The following BLMH variants were observed in gnomAD, a reference collection of about 807,000 sequenced individuals.
BLMH encodes bleomycin hydrolase, also known as BLM hydrolase.
Under a neutral mutation model 61.6 loss-of-function variants are expected in BLMH, and 32 were observed. That is an observed-to-expected ratio of 0.52 (90% CI 0.39 to 0.70). The LOEUF (loss-of-function observed/expected upper bound fraction) is 0.70, where lower values mean the gene tolerates loss of function less well. Among genes scored for constraint, BLMH ranks in the 30% least tolerant of loss-of-function variants. The pLI is 0.00. For synonymous variants in BLMH, 183 were observed against 193.8 expected (o/e 0.94, Z 0.46); for missense variants, 460 against 555.5 (o/e 0.83, Z 1.73).
intron 2 of BLMH, 120 bp downstream of exon 2, chr17:30,291,191 T>C (rs1040442657): frequency 1.6e-6 from 2 of 1,282,028 alleles, no homozygotes; most frequent in African/African-American, 2.9e-5. Flanking sequence ...TGTGCCTCAT[T>C]CTTTACGAAT....
In BLMH at chr17:30,272,902, A is replaced by G. The variant is rs1908314277; in HGVS notation, c.802-3T>C. ...CTAGGGTCATTCACTAAACAAATCTATCAAGATCAAGAACACATTAATTAG... is the reference window on the plus strand; with the variant it reads ...CTAGGGTCATTCACTAAACAAATCTGTCAAGATCAAGAACACATTAATTAG... On this transcript the variant is annotated splice_polypyrimidine_tract_variant and splice_region_variant and intron_variant, in intron 7 of 11. Transcript: ENST00000261714. 2 of 1,613,524 alleles carry G rather than the reference A, an allele frequency of 1.2e-6. No homozygotes were observed. The highest frequency in any genetic ancestry group is 1.7e-6 in the Non-Finnish European group (2 of 1,179,810).
chr17:30,257,828 G>C (rs1907856709), intron 11 of BLMH, among the ~76,000 whole-genome samples: 1 of 152,266 alleles, frequency 6.6e-6, no homozygotes, highest in South Asian at 2.1e-4. Flanking sequence ...TTCCAGTTGA[G>C]CACTCTGTGG....
chr17:30,253,095 G>A (rs760510569), intron 11 of BLMH, among the ~76,000 whole-genome samples: 11 of 152,170 alleles, frequency 7.2e-5, no homozygotes, highest in East Asian at 1.9e-4. Context: ...GACATTAGTC[G>A]TCCCTTCCCT....
Position 30,248,881 on chromosome 17 carries a change from C to G in BLMH, c.*136G>C. 1.8e-6 allele frequency: 2 copies of G among 1,104,326 alleles called. No individual in the cohort carries two copies. Among genetic ancestry groups the G allele is most frequent in the Non-Finnish European group, 2.6e-6 (2 of 763,824 alleles). The allele number at this position is 1,104,326 out of a possible 1,614,324, so 68.4% of individuals were successfully genotyped here. On this transcript the variant is annotated 3_prime_UTR_variant, in exon 12 of 12. Coordinates refer to ENST00000261714, the MANE Select transcript of BLMH (RefSeq NM_000386.4). ...ATAAAGCACACTTTCTGAAGAGGTT[C>G]CTGGTGGAGACTGGAAATCTGACTG...
intron 11 of BLMH, among the ~76,000 whole-genome samples, chr17:30,265,968 CT>C (rs1432249043): frequency 2.0e-5 from 3 of 152,054 alleles, no homozygotes; most frequent in Non-Finnish European, 4.4e-5. Context: ...TTATTAGAGA[CT>C]TTTTATCTGT....
At chr17:30,262,099 AG>A (rs974292881) in intron 11 of BLMH, among the ~76,000 whole-genome samples, 1 of 152,236 alleles carries the variant, frequency 6.6e-6, no homozygotes, top group Non-Finnish European at 1.5e-5. Flanking sequence ...AATTTTTAAA[AG>A]GTAAGTATTT....
At chr17:30,261,672 C>G (rs1023430557) in intron 11 of BLMH, among the ~76,000 whole-genome samples, 5 of 152,172 alleles carry the variant, frequency 3.3e-5, no homozygotes, top group Admixed American at 6.5e-5. Flanking sequence ...CACAACTCAC[C>G]TGGTTCTACA....
intron 7 of BLMH, chr17:30,273,122 C>A: frequency 4.1e-6 from 2 of 482,782 alleles, no homozygotes; most frequent in Non-Finnish European, 7.2e-6. Context: ...TTAGGAGGTG[C>A]ATCTACCTGT....
At chr17:30,249,249 T>C in intron 11 of BLMH, 81 bp from the exon 12 acceptor site, 1 of 1,404,586 alleles carries the variant, frequency 7.1e-7, no homozygotes, top group Non-Finnish European at 9.7e-7. Flanking sequence ...ATAAACCTTT[T>C]ACAAAACTAA....
rs1293032143 is a variant in BLMH, at chr17:30,289,377, T to C, written c.317A>G (p.Asp106Gly). 6.3e-7 allele frequency: 1 copy of C among 1,592,594 alleles called. No homozygotes were observed. The highest frequency in any genetic ancestry group is 8.6e-7 in the Non-Finnish European group (1 of 1,162,026). ...CTTGCCAGATCTGTCCCATACCTTG[T>C]CCCAAAAAAACAGGTAAGATTGGCT... The part of the protein sequence containing the change: ...EFSQSYLFFW[D>G]KVERCYFFLS... The change falls in exon 3 of 12, where the codon GAC becomes GGC. Residue 106 changes from aspartate (D) to glycine (G), a missense_variant. By Grantham distance (94) the Asp-to-Gly change is moderately conservative. This residue lies in a region of BLMH where 43 missense variants were observed against 38.8 expected (regional missense o/e 1.11). Coordinates refer to ENST00000261714, the MANE Select transcript of BLMH (RefSeq NM_000386.4).
intron 4 of BLMH, 72 bp from the exon 5 acceptor site, chr17:30,286,974 CA>C (rs1486973614): frequency 1.1e-6 from 1 of 949,010 alleles, no homozygotes; most frequent in Non-Finnish European, 1.6e-6. Flanking sequence ...GTGATTGTTT[CA>C]AAAAATAGGC....
chr17:30,286,641 A>G (rs1455616402), intron 5 of BLMH, among the ~76,000 whole-genome samples, 173 bp downstream of exon 5: 1 of 152,210 alleles, frequency 6.6e-6, no homozygotes, highest in Non-Finnish European at 1.5e-5. Flanking sequence ...AAAACCCTCT[A>G]ATATTAATTA....
In BLMH at chr17:30,291,336, C is replaced by T; in HGVS notation, c.186G>A (p.Lys62=). Residue 62 remains lysine (K), a synonymous_variant, in exon 2 of 12, where the codon AAG becomes AAA. Coordinates refer to ENST00000261714, the MANE Select transcript of BLMH (RefSeq NM_000386.4). ...VFQHAVPQEG[K]PITNQKSSGR... is the part of the protein sequence containing the mutation. ...CTGAGCTCTTCTGGTTGGTGATTGG[C>T]TTGCCCTCCTGGGGCACGGCGTGCT... The T allele has an allele frequency of 4.3e-6, 7 of 1,613,022 alleles. No homozygotes were observed. The highest frequency in any genetic ancestry group is 5.9e-6 in the Non-Finnish European group (7 of 1,179,950).
intron 6 of BLMH, among the ~76,000 whole-genome samples, chr17:30,280,562 G>A (rs1391899136): frequency 1.3e-5 from 2 of 152,078 alleles, no homozygotes; most frequent in African/African-American, 4.8e-5. Context: ...CTGCAGCCTT[G>A]AACTCCTGGG....
chr17:30,275,486 C>G (rs1190227670), intron 6 of BLMH, among the ~76,000 whole-genome samples: 1 of 151,914 alleles, frequency 6.6e-6, no homozygotes, highest in Non-Finnish European at 1.5e-5. Flanking sequence ...TGGTGAAACC[C>G]TGTCTTTACT....
chr17:30,274,102 G>T lies in BLMH; in HGVS notation c.741C>A (p.Pro247=), dbSNP rs1375408342. The stretch of plus-strand genomic sequence containing the variant: ...CCCTGTAAAACTCCAAGGGTGTTAT[G>T]GGGCCAATTTTCTGATAATTTTTAT... ...DKDKNYQKIG[P]ITPLEFYREH... is the part of the protein sequence containing the mutation. The change falls in exon 7 of 12, where the codon CCC becomes CCA. Residue 247 remains proline (P), a synonymous_variant. Coordinates refer to ENST00000261714, the MANE Select transcript of BLMH (RefSeq NM_000386.4). 2.5e-6 allele frequency: 4 copies of T among 1,614,126 alleles called. No individual in the cohort carries two copies. The highest frequency in any genetic ancestry group is 1.6e-4 in the Middle Eastern group (1 of 6,062).
chr17:30,255,069 A>G (rs946854129), intron 11 of BLMH, among the ~76,000 whole-genome samples: 5 of 152,256 alleles, frequency 3.3e-5, no homozygotes, highest in African/African-American at 1.2e-4. Context: ...TTTCATGCTT[A>G]GAAACAATAC....
At chr17:30,278,897 C>T (rs577593924) in intron 6 of BLMH, among the ~76,000 whole-genome samples, 1 of 152,314 alleles carries the variant, frequency 6.6e-6, no homozygotes, top group African/African-American at 2.4e-5. Context: ...TCTTGAACTC[C>T]GGGCCTCAAG....
intron 2 of BLMH, chr17:30,290,992 T>G (rs1908870345): frequency 3.2e-6 from 1 of 307,840 alleles, no homozygotes; most frequent in Non-Finnish European, 6.2e-6. Flanking sequence ...CATGTTCTGT[T>G]TTGTGACCAA....
Sources: allele counts gnomAD v4.1 joint callset (sites outside exome capture counted in the v4.1 genomes callset), GRCh38; gene constraint gnomAD v4.1.1; regional missense constraint gnomAD v4.1.1; transcripts MANE v1.5; gene names NCBI Gene and HGNC (gene_info 2026-07-23, HGNC 2026-07-21).